The following CSMD1 variants were observed in gnomAD, a reference collection of about 807,000 sequenced individuals.
The protein encoded by CSMD1 is CUB and sushi domain-containing protein 1.
In CSMD1, 213 loss-of-function variants were observed where a neutral mutation model predicts 417.5. The ratio of observed to expected loss-of-function variants is 0.51; its 90% CI spans 0.46 to 0.57. CSMD1 has a LOEUF of 0.57. Among genes scored for constraint, CSMD1 ranks in the 20% least tolerant of loss-of-function variants. The probability of loss-of-function intolerance (pLI) is 0.00; values close to 1 mark genes in which losing one functional copy is unlikely to be tolerated. For missense variants in CSMD1, 6,923 were observed against 4,529.7 expected (o/e 1.53, Z -15.17); for synonymous variants, 2,862 against 1,736.8 (o/e 1.65, Z -16.11).
chr8:4,292,784 G>T (rs191780591), intron 3 of CSMD1, among the ~76,000 whole-genome samples: 1 of 152,152 alleles, frequency 6.6e-6, no homozygotes, highest in Non-Finnish European at 1.5e-5. Flanking sequence ...ATCTTCAGTA[G>T]TCCCAACCAT....
chr8:4,258,305 G>A (rs902312644), intron 3 of CSMD1, among the ~76,000 whole-genome samples: 1 of 114,754 alleles, frequency 8.7e-6, no homozygotes, highest in East Asian at 2.6e-4. Context: ...GGGAGAAAGA[G>A]AGTGAGGGAG....
At chr8:3,242,394 G>A (rs1188170915) in intron 26 of CSMD1, among the ~76,000 whole-genome samples, 1 of 151,820 alleles carries the variant, frequency 6.6e-6, no homozygotes, top group Admixed American at 6.6e-5. Context: ...AAAGAAGGAA[G>A]ATTTGGGATG....
intron 3 of CSMD1, among the ~76,000 whole-genome samples, chr8:4,108,390 T>C (rs1801680046): frequency 6.6e-6 from 1 of 152,206 alleles, no homozygotes; most frequent in Non-Finnish European, 1.5e-5. Flanking sequence ...AGAACTACTC[T>C]CGACCATGTT....
chr8:4,462,475 G>C (rs964996280), intron 2 of CSMD1, among the ~76,000 whole-genome samples: 4 of 152,034 alleles, frequency 2.6e-5, no homozygotes, highest in South Asian at 2.1e-4. Flanking sequence ...TGGCTTATTT[G>C]CGTACATTAA....
intron 3 of CSMD1, among the ~76,000 whole-genome samples, chr8:4,079,452 A>G (rs183258835): frequency 9.8e-5 from 15 of 152,332 alleles, no homozygotes; most frequent in African/African-American, 2.4e-4. Flanking sequence ...AGGCAGCTCC[A>G]TTCTTCTGAG....
intron 25 of CSMD1, among the ~76,000 whole-genome samples, chr8:3,301,345 G>C (rs968182260): frequency 1.3e-5 from 2 of 152,056 alleles, no homozygotes; most frequent in African/African-American, 2.4e-5. Flanking sequence ...GCTTCAGATG[G>C]GGTCTAAATG....
At chr8:3,496,671 C>T (rs780406287) in intron 10 of CSMD1, among the ~76,000 whole-genome samples, 1 of 151,982 alleles carries the variant, frequency 6.6e-6, no homozygotes, top group Non-Finnish European at 1.5e-5. Context: ...ACTAAAAATA[C>T]AAAAATTAGC....
intron 3 of CSMD1, among the ~76,000 whole-genome samples, chr8:4,171,458 CCTGAA>C (rs1797759620): frequency 6.6e-6 from 1 of 151,776 alleles, no homozygotes; most frequent in Admixed American, 6.6e-5. Flanking sequence ...TATTGGCTCT[CCTGAA>C]CTAAGAAATA....
intron 1 of CSMD1, among the ~76,000 whole-genome samples, chr8:4,877,822 C>T (rs974640175): frequency 2.0e-5 from 3 of 151,984 alleles, no homozygotes; most frequent in African/African-American, 7.3e-5. Context: ...CTAACAGGCC[C>T]GTCTTCTTTG....
At chr8:3,104,958 G>A (rs1403802857) in intron 46 of CSMD1, among the ~76,000 whole-genome samples, 3 of 152,034 alleles carry the variant, frequency 2.0e-5, no homozygotes, top group Non-Finnish European at 2.9e-5. Context: ...CACCCACCTC[G>A]GCCTCACAGA....
Position 4,725,782 on chromosome 8 carries a change from C to G in CSMD1, c.86-88224G>C, listed in dbSNP as rs11995196. On this transcript the variant is annotated intron_variant, in intron 1 of 69. Transcript: ENST00000635120. ...GGTACCTTGAGTTACACAGGATTTG[C>G]GCTGCGTTTGAGCCTAGCTGCTCGG... 8.7e-3 allele frequency among the ~76,000 whole-genome samples: 1,330 copies of G among 152,172 alleles called. 10 individuals carry two copies. Among genetic ancestry groups the G allele is most frequent in the African/African-American group, 0.028 (1,171 of 41,518 alleles).
chr8:3,428,326 G>T (rs867590295), intron 12 of CSMD1, among the ~76,000 whole-genome samples: 1 of 152,054 alleles, frequency 6.6e-6, no homozygotes, highest in Non-Finnish European at 1.5e-5. Flanking sequence ...CGAATGGCCA[G>T]GCCTCAAGAG....
chr8:4,298,384 G>C (rs943749637), intron 3 of CSMD1, among the ~76,000 whole-genome samples: 1 of 151,954 alleles, frequency 6.6e-6, no homozygotes, highest in Non-Finnish European at 1.5e-5. Flanking sequence ...TACTGTATTT[G>C]CTTTGAATCC....
chr8:4,158,453 G>A (rs62501113), intron 3 of CSMD1, among the ~76,000 whole-genome samples: 36,635 of 151,936 alleles, frequency 0.24, 4,570 homozygotes, highest in South Asian at 0.33. Context: ...CAAAGAAACA[G>A]TAATACTAAT....
intron 2 of CSMD1, among the ~76,000 whole-genome samples, chr8:4,625,093 C>T (rs1381425251): frequency 6.6e-6 from 1 of 152,022 alleles, no homozygotes; most frequent in African/African-American, 2.4e-5. Flanking sequence ...TTGGATGGGT[C>T]AAACTAGGGT....
At chr8:4,939,047 G>C (rs1291807050) in intron 1 of CSMD1, among the ~76,000 whole-genome samples, 1 of 152,094 alleles carries the variant, frequency 6.6e-6, no homozygotes, top group African/African-American at 2.4e-5. Flanking sequence ...CATTAACCCT[G>C]CATCAGATGC....
intron 6 of CSMD1, among the ~76,000 whole-genome samples, chr8:3,722,393 C>T (rs867316385): frequency 6.6e-6 from 1 of 152,168 alleles, no homozygotes; most frequent in East Asian, 1.9e-4. Context: ...TTTGAAAGCA[C>T]AGTAGCTAAG....
intron 3 of CSMD1, among the ~76,000 whole-genome samples, chr8:4,226,486 G>T (rs1049404348): frequency 2.6e-5 from 4 of 152,080 alleles, no homozygotes; most frequent in African/African-American, 4.8e-5. Flanking sequence ...AAATTTTACA[G>T]GACTTTGCAG....
chr8:3,638,159 T>C (rs1361876855), intron 7 of CSMD1, among the ~76,000 whole-genome samples: 1 of 152,174 alleles, frequency 6.6e-6, no homozygotes, highest in African/African-American at 2.4e-5. Context: ...CCCTCACTGA[T>C]GTTTCCTTCC....
Sources: gnomAD v4.1 joint callset for allele counts (sites outside exome capture counted in the v4.1 genomes callset) on GRCh38, gnomAD v4.1.1 for gene constraint, MANE v1.5 for transcripts, NCBI Gene and HGNC (gene_info 2026-07-23, HGNC 2026-07-21) for gene names.